The following ANK1 variants were observed in gnomAD, a reference collection of about 807,000 sequenced individuals.
The protein encoded by ANK1 is ankyrin 1.
Under a neutral mutation model 210.4 loss-of-function variants are expected in ANK1, and 51 were observed. The observed-to-expected ratio is 0.24, with a 90% confidence interval of 0.19 to 0.31. The LOEUF is 0.31. Among genes scored for constraint, ANK1 ranks in the 10% least tolerant of loss-of-function variants. The probability of loss-of-function intolerance (pLI) is 1.00; values close to 1 mark genes in which losing one functional copy is unlikely to be tolerated. For synonymous variants in ANK1, 967 were observed against 1,025.9 expected, an observed-to-expected ratio of 0.94 and a Z score of 1.10; for missense variants, 2,051 against 2,504.4, an observed-to-expected ratio of 0.82 and a Z score of 3.86.
intron 1 of ANK1, among the ~76,000 whole-genome samples, chr8:41,825,198 T>C (rs892004422): frequency 5.3e-5 from 8 of 152,250 alleles, no homozygotes; most frequent in African/African-American, 1.9e-4. Flanking sequence ...AGGACATTTT[T>C]GCTCTTCCAA....
At position 41,699,442 on chromosome 8, in the gene ANK1, C is replaced by T. The variant is rs747902005; in HGVS notation, c.2558+10G>A. ...GCACCCCCGGGGACCCTCCCGGGAG[C>T]ACTGCTCACACTTGGTCTAGCTTCG... is the stretch of plus-strand genomic sequence containing the variant. On this transcript the variant is annotated intron_variant, in intron 23 of 42. Transcript: ENST00000289734. The T allele has an allele frequency of 6.2e-7, 1 of 1,613,870 alleles. No homozygotes were observed. Among genetic ancestry groups the T allele is most frequent in the Admixed American group, 1.7e-5 (1 of 60,030 alleles).
intron 1 of ANK1, among the ~76,000 whole-genome samples, chr8:41,820,868 G>A (rs183635569): frequency 1.2e-4 from 19 of 152,318 alleles, no homozygotes; most frequent in African/African-American, 2.4e-4. Context: ...AAGAGGGGCC[G>A]GGGCTGCAGA....
rs560514535 is a variant in ANK1, at chr8:41,697,327, T to A, written c.2638-554A>T. On this transcript the variant is annotated intron_variant, in intron 24 of 42. Transcript: ENST00000289734. The stretch of plus-strand genomic sequence containing the variant: ...TAGGGTAACGCTGCAACTACAGGGA[T>A]GCCAGGCTGCCCTGGCACAGCCAGC... 3.9e-5 allele frequency among the ~76,000 whole-genome samples: 6 copies of A among 152,300 alleles called. No homozygotes were observed. In the South Asian group the frequency reaches 1.2e-3, roughly 32 times the overall value.
At chr8:41,800,596 A>G (rs983737812), upstream of ANK1, among the ~76,000 whole-genome samples, 2 of 152,212 alleles carry the variant, frequency 1.3e-5, no homozygotes, top group African/African-American at 4.8e-5. Flanking sequence ...CCAATGCCCC[A>G]GTCTTTCATG....
intron 1 of ANK1, among the ~76,000 whole-genome samples, chr8:41,822,122 GAGAAAGAAAGAGAAAGAAAGAAAGAA>G (rs1319893605): frequency 0.017 from 551 of 31,934 alleles, 6 homozygotes; most frequent in African/African-American, 0.055. Context: ...GAGAAAGAAA[GAGAAAGAAAGAGAAAGAAAGAAAGAA>G]AGAAAGAAAG....
chr8:41,788,062 A>C (rs1409889623), intron 1 of ANK1, among the ~76,000 whole-genome samples: 1 of 152,200 alleles, frequency 6.6e-6, no homozygotes, highest in Non-Finnish European at 1.5e-5. Context: ...TGGCGTTGAC[A>C]CCAGGCAGTG....
chr8:41,818,470 C>A (rs1035814105), intron 1 of ANK1, among the ~76,000 whole-genome samples: 1 of 152,106 alleles, frequency 6.6e-6, no homozygotes, highest in African/African-American at 2.4e-5. Flanking sequence ...TTGGATTATA[C>A]CATAGGTATC....
At chr8:41,719,449 G>A (rs1437065223) in intron 10 of ANK1, among the ~76,000 whole-genome samples, 1 of 152,198 alleles carries the variant, frequency 6.6e-6, no homozygotes, top group Non-Finnish European at 1.5e-5. Flanking sequence ...CGGGGCAGGG[G>A]TCGATACCCA....
chr8:41,790,507 G>A (rs937176689), intron 1 of ANK1, among the ~76,000 whole-genome samples: 10 of 152,046 alleles, frequency 6.6e-5, no homozygotes, highest in African/African-American at 2.2e-4. Context: ...AGCTCAGGGA[G>A]CGAGCTTCCC....
chr8:41,712,951 C>T (rs1054687800), intron 16 of ANK1, among the ~76,000 whole-genome samples: 1 of 152,160 alleles, frequency 6.6e-6, no homozygotes, highest in African/African-American at 2.4e-5. Flanking sequence ...TGCACAGCGA[C>T]GTGGGACTCA....
At chr8:41,670,279 G>T (rs984926387) in intron 38 of ANK1, among the ~76,000 whole-genome samples, 1 of 151,922 alleles carries the variant, frequency 6.6e-6, no homozygotes, top group African/African-American at 2.4e-5. Flanking sequence ...CACACAGTAG[G>T]CACTCAATAA....
intron 29 of ANK1, among the ~76,000 whole-genome samples, chr8:41,693,565 G>A (rs1346782352): frequency 6.6e-6 from 1 of 151,702 alleles, no homozygotes; most frequent in Non-Finnish European, 1.5e-5. Flanking sequence ...AGCCTCTGGA[G>A]TAGCTGGGCT....
intron 1 of ANK1, among the ~76,000 whole-genome samples, chr8:41,879,402 C>A (rs796183485): frequency 4.6e-5 from 7 of 152,174 alleles, no homozygotes; most frequent in African/African-American, 1.7e-4. Context: ...CTGGATTTCT[C>A]GAGAACATTG....
chr8:41,702,481 T>C (rs1316328843), intron 20 of ANK1, among the ~76,000 whole-genome samples: 1 of 152,140 alleles, frequency 6.6e-6, no homozygotes, highest in Non-Finnish European at 1.5e-5. Flanking sequence ...GGTCAGGAAG[T>C]TGCCAGATGC....
intron 1 of ANK1, among the ~76,000 whole-genome samples, chr8:41,826,529 T>C (rs975533505): frequency 1.3e-5 from 2 of 152,126 alleles, no homozygotes; most frequent in African/African-American, 4.8e-5. Context: ...GTGCTGAGCG[T>C]CCCACCGTCC....
At chr8:41,789,702 A>G (rs1847217056) in intron 1 of ANK1, among the ~76,000 whole-genome samples, 1 of 152,192 alleles carries the variant, frequency 6.6e-6, no homozygotes, top group Non-Finnish European at 1.5e-5. Context: ...GAGAGTTAGG[A>G]GACAGACGTG....
intron 3 of ANK1, among the ~76,000 whole-genome samples, chr8:41,729,004 C>G (rs1024900798): frequency 5.9e-5 from 9 of 152,318 alleles, no homozygotes; most frequent in Middle Eastern, 3.4e-3. Flanking sequence ...ACCTTTGACG[C>G]CATCCCAGGG....
rs183266139 is a variant in ANK1, at chr8:41,656,186, G to A, written c.*37-433C>T. ...TGAGCCAGGGCTTGTGCCAAGAAGG[G>A]GCTAGGTGAGGCTAGGTGAGGCCTT... On this transcript the variant is annotated intron_variant, in intron 42 of 42. Transcript: ENST00000289734. 2.8e-3 allele frequency among the ~76,000 whole-genome samples: 420 copies of A among 152,372 alleles called. 4 individuals are homozygous for A. Among genetic ancestry groups the A allele is most frequent in the Non-Finnish European group, 4.6e-3 (311 of 68,028 alleles).
At chr8:41,768,947 G>A (rs1368079735) in intron 1 of ANK1, among the ~76,000 whole-genome samples, 1 of 152,146 alleles carries the variant, frequency 6.6e-6, no homozygotes, top group Non-Finnish European at 1.5e-5. Context: ...CTCCAGCCCA[G>A]GTGACAAGAG....
Sources: allele counts gnomAD v4.1 joint callset (sites outside exome capture counted in the v4.1 genomes callset), GRCh38; gene constraint gnomAD v4.1.1; transcripts MANE v1.5; gene names NCBI Gene and HGNC (gene_info 2026-07-23, HGNC 2026-07-21).